CELF2: variants seen among roughly 807,000 people sequenced by gnomAD.
CELF2 encodes CUGBP Elav-like family member 2, also known as CUG triplet repeat RNA-binding protein 2.
CELF2 carries 8 observed loss-of-function variants against 62.6 expected under a neutral mutation model. The observed-to-expected ratio is 0.13, with a 90% CI of 0.07 to 0.23. The LOEUF is 0.23. Ranked by LOEUF, CELF2 falls within the 10% of genes least tolerant of loss-of-function variation. The pLI, the probability that CELF2 is intolerant of heterozygous loss-of-function variation, is 1.00. For synonymous variants in CELF2, 258 were observed against 250.0 expected, an observed-to-expected ratio of 1.03 and a Z score of -0.30; for missense variants, 333 against 671.0, an observed-to-expected ratio of 0.50 and a Z score of 5.56.
the CELF2 span, among the ~76,000 whole-genome samples, chr10:10,677,632 AGCCAAGCTCTCCTTGAAACC>A: frequency 2.0e-5 from 3 of 152,206 alleles, no homozygotes; most frequent in Admixed American, 2.0e-4. Context: ...CCATTAGTGT[AGCCAAGCTCTCCTTGAAACC>A]GCATGCGGTA....
chr10:10,767,572 G>A, the CELF2 span, among the ~76,000 whole-genome samples: 1 of 152,220 alleles, frequency 6.6e-6, no homozygotes, highest in Non-Finnish European at 1.5e-5. Context: ...ACTTTGCAGA[G>A]GGTGTTGGTA....
At chr10:11,086,641 A>G (rs985738856) in intron 1 of CELF2, among the ~76,000 whole-genome samples, 3 of 148,904 alleles carry the variant, frequency 2.0e-5, no homozygotes, top group African/African-American at 7.4e-5. Flanking sequence ...ACAACAGGAG[A>G]GATGCACAGC....
intron 1 of CELF2, among the ~76,000 whole-genome samples, chr10:10,910,846 A>G (rs1055163567): frequency 2.6e-4 from 39 of 152,020 alleles, no homozygotes; most frequent in African/African-American, 8.9e-4. Flanking sequence ...TTCATGTGAC[A>G]TTTCTAGGCT....
the CELF2 span, among the ~76,000 whole-genome samples, chr10:10,548,684 ATC>A: frequency 6.6e-6 from 1 of 152,254 alleles, no homozygotes; most frequent in African/African-American, 2.4e-5. Flanking sequence ...GGTTTTCTTA[ATC>A]TCTCTTTTGA....
Position 11,300,978 on chromosome 10 carries a change from A to C in CELF2, c.976+12426A>C, listed in dbSNP as rs1307887152. 6.6e-6 allele frequency among the ~76,000 whole-genome samples: 1 copy of C among 152,178 alleles called. No homozygotes were observed. The highest frequency in any genetic ancestry group is 1.9e-4 in the East Asian group (1 of 5,198). ...TTTTGTTGCAGCTTTAAAAAAAAGT[A>C]TTTTGCTATCCAGGAAGAGTGGGGA... On this transcript the variant is annotated intron_variant, in intron 9 of 12. Transcript: ENST00000633077. This position sits in a 1 kb window ranked among gnomAD's most constrained non-coding sequence, Gnocchi z 5.5.
chr10:10,754,283 T>G, the CELF2 span, among the ~76,000 whole-genome samples: 1 of 152,010 alleles, frequency 6.6e-6, no homozygotes, highest in African/African-American at 2.4e-5. Context: ...TAGCTGGTAC[T>G]GTAAGTACGT....
intron 2 of CELF2, among the ~76,000 whole-genome samples, chr10:10,951,507 T>C (rs1360148367): frequency 6.6e-6 from 1 of 152,196 alleles, no homozygotes; most frequent in Non-Finnish European, 1.5e-5. Context: ...AAGTTTCTGT[T>C]TGGTGAACAG....
At chr10:11,021,246 C>T (rs189380056) in intron 1 of CELF2, among the ~76,000 whole-genome samples, 1 of 152,142 alleles carries the variant, frequency 6.6e-6, no homozygotes, top group African/African-American at 2.4e-5. Context: ...GAATAAGACA[C>T]TGAGAAGAGT....
chr10:10,825,464 C>T (rs2057316626), intron 1 of CELF2, among the ~76,000 whole-genome samples: 1 of 152,186 alleles, frequency 6.6e-6, no homozygotes, highest in Admixed American at 6.5e-5. Flanking sequence ...TCCACCTCGG[C>T]CTCCCAAAGT....
the CELF2 span, among the ~76,000 whole-genome samples, chr10:10,633,094 A>G: frequency 6.6e-6 from 1 of 152,120 alleles, no homozygotes; most frequent in Non-Finnish European, 1.5e-5. Context: ...TATTACTGTG[A>G]TCATTACCAT....
At position 10,908,214 on chromosome 10, in the gene CELF2, A is replaced by ATTTTTTTTTTTTTTTTT. The variant is rs796857171; in HGVS notation, c.54-11743_54-11727dup. 8.4e-5 allele frequency among the ~76,000 whole-genome samples: 7 copies of ATTTTTTTTTTTTTTTTT among 83,734 alleles called. 2 individuals carry two copies. The highest frequency in any genetic ancestry group is 1.0e-4 in the Non-Finnish European group (5 of 48,294). The allele number at this position is 83,734 out of a possible 152,430, so 54.9% of individuals were successfully genotyped here. ...TCCTTGTCAAAGAATGTATGAGGGG[A>ATTTTTTTTTTTTTTTTT]TTTTTTTTTTTTTTTTTTTTTTTGA... On this transcript the variant is annotated intron_variant, in intron 1 of 13. Coordinates refer to the CELF2 transcript ENST00000636488.
the CELF2 span, among the ~76,000 whole-genome samples, chr10:10,722,968 T>C: frequency 6.6e-6 from 1 of 152,240 alleles, no homozygotes. Context: ...TCATTTTGGA[T>C]GTTGATATTC....
At chr10:11,101,202 G>A (rs1265330963) in intron 1 of CELF2, among the ~76,000 whole-genome samples, 1 of 152,152 alleles carries the variant, frequency 6.6e-6, no homozygotes, top group Admixed American at 6.5e-5. Context: ...TCGCTGAAAG[G>A]GATCAGGTTT....
intron 1 of CELF2, among the ~76,000 whole-genome samples, chr10:10,898,234 A>G (rs963861412): frequency 1.3e-5 from 2 of 152,198 alleles, no homozygotes; most frequent in African/African-American, 2.4e-5. Context: ...CCCAGATTGG[A>G]TCATACCCAG....
chr10:11,245,191 A>G (rs778314738), intron 3 of CELF2, among the ~76,000 whole-genome samples: 16 of 152,186 alleles, frequency 1.1e-4, no homozygotes, highest in Non-Finnish European at 2.2e-4. Context: ...TTGAACTAGA[A>G]TGTCTACTCT....
At chr10:11,252,667 C>A (rs1394110352) in intron 4 of CELF2, among the ~76,000 whole-genome samples, 1 of 152,176 alleles carries the variant, frequency 6.6e-6, no homozygotes, top group African/African-American at 2.4e-5. Context: ...TGTAACCTGC[C>A]CTTTCCATTG....
At chr10:10,560,497 T>G in the CELF2 span, among the ~76,000 whole-genome samples, 1 of 152,144 alleles carries the variant, frequency 6.6e-6, no homozygotes, top group Non-Finnish European at 1.5e-5. Flanking sequence ...TCCTACCCTG[T>G]CTTTGATTCA....
intron 1 of CELF2, among the ~76,000 whole-genome samples, chr10:11,146,802 C>T (rs1034567089): frequency 5.3e-5 from 8 of 152,252 alleles, no homozygotes; most frequent in African/African-American, 1.4e-4. Flanking sequence ...CTCATAGCCA[C>T]ATCCCCAGGT....
chr10:10,698,641 A>T, the CELF2 span, among the ~76,000 whole-genome samples: 1 of 152,306 alleles, frequency 6.6e-6, no homozygotes, highest in Non-Finnish European at 1.5e-5. Context: ...TTTTGGTCTC[A>T]ACTACTTCCC....
Sources: allele counts gnomAD v4.1 joint callset (sites outside exome capture counted in the v4.1 genomes callset), GRCh38; gene constraint gnomAD v4.1.1; non-coding constraint Gnocchi (gnomAD v3.1); transcripts MANE v1.5; gene names NCBI Gene and HGNC (gene_info 2026-07-23, HGNC 2026-07-21).